COL11A1: variants seen among roughly 807,000 people sequenced by gnomAD.
The protein encoded by COL11A1 is collagen type XI alpha 1 chain.
COL11A1 carries 74 observed loss-of-function variants against 265.2 expected under a neutral mutation model. The ratio of observed to expected loss-of-function variants is 0.28; its 90% CI spans 0.23 to 0.34. COL11A1 has a LOEUF of 0.34. Among genes scored for constraint, COL11A1 ranks in the 10% least tolerant of loss-of-function variants. The pLI, the probability that COL11A1 is intolerant of heterozygous loss-of-function variation, is 1.00. For missense variants in COL11A1, 2,165 were observed against 2,263.6 expected (o/e 0.96, Z 0.88); for synonymous variants, 816 against 727.6 (o/e 1.12, Z -1.96).
chr1:102,991,215 G>A (rs542403359), intron 28 of COL11A1, among the ~76,000 whole-genome samples: 15 of 151,744 alleles, frequency 9.9e-5, no homozygotes, highest in Non-Finnish European at 1.6e-4. Flanking sequence ...TTGATGGAGG[G>A]GTTTTTATTT....
intron 46 of COL11A1, among the ~76,000 whole-genome samples, chr1:102,926,001 C>A (rs1023986098): frequency 9.2e-5 from 14 of 151,912 alleles, no homozygotes; most frequent in Admixed American, 2.6e-4. Context: ...ATTACAAACC[C>A]AGTTGTGCAT....
intron 48 of COL11A1, among the ~76,000 whole-genome samples, chr1:102,920,705 C>T (rs557270151): frequency 6.6e-6 from 1 of 152,210 alleles, no homozygotes; most frequent in East Asian, 1.9e-4. Context: ...AATTATGACA[C>T]TGGTTAAGAA....
chr1:103,035,164 C>A, intron 4 of COL11A1, among the ~76,000 whole-genome samples: 1 of 152,016 alleles, frequency 6.6e-6, no homozygotes, highest in East Asian at 1.9e-4. Context: ...ATAGCAGGGC[C>A]TTCTCCTCAG....
Position 103,014,694 on chromosome 1 carries a change from G to T in COL11A1, c.1489-100C>A, listed in dbSNP as rs950788806. 3.1e-6 allele frequency: 3 copies of T among 956,226 alleles called. No individual in the cohort carries two copies. In the African/African-American group the frequency reaches 4.9e-5, roughly 16 times the overall value. 59.2% of individuals were successfully genotyped at this position (956,226 alleles called of 1,614,324 possible). On this transcript the variant is annotated intron_variant, in intron 12 of 66. Coordinates refer to ENST00000370096, the MANE Select transcript of COL11A1 (RefSeq NM_001854.4). ...ATAAAAACCACTTATTAAAATGGTG[G>T]GATTTTACAAAATTACAAAGTAACT... is the stretch of plus-strand genomic sequence containing the variant.
At chr1:102,934,794 C>T (rs1424614983) in intron 45 of COL11A1, among the ~76,000 whole-genome samples, 1 of 152,158 alleles carries the variant, frequency 6.6e-6, no homozygotes, top group Non-Finnish European at 1.5e-5. Flanking sequence ...GAAGTAAAAG[C>T]TGTCTAATAA....
intron 5 of COL11A1, among the ~76,000 whole-genome samples, chr1:103,028,560 T>C (rs753612930): frequency 1.3e-5 from 2 of 152,136 alleles, no homozygotes; most frequent in Non-Finnish European, 2.9e-5. Flanking sequence ...CTAGTTATAA[T>C]CAATCAGACA....
At chr1:102,899,248 A>G (rs1304930905) in intron 54 of COL11A1, among the ~76,000 whole-genome samples, 2 of 152,144 alleles carry the variant, frequency 1.3e-5, no homozygotes, top group African/African-American at 4.8e-5. Flanking sequence ...CAGTAAAAAT[A>G]AAGTTTTTAA....
intron 37 of COL11A1, among the ~76,000 whole-genome samples, chr1:102,968,090 TACAA>T (rs1415703985): frequency 1.3e-5 from 2 of 152,192 alleles, no homozygotes; most frequent in East Asian, 3.9e-4. Flanking sequence ...TTGGGGATCT[TACAA>T]ACAAACTACA....
intron 7 of COL11A1, among the ~76,000 whole-genome samples, 184 bp from the exon 8 acceptor site, chr1:103,023,180 A>G (rs1667240328): frequency 6.6e-6 from 1 of 152,186 alleles, no homozygotes; most frequent in Admixed American, 6.5e-5. Flanking sequence ...GTACATTGCT[A>G]TGTACAAAGA....
In COL11A1 at chr1:102,978,853, G is replaced by T. The variant is rs1312889847; in HGVS notation, c.2709+7C>A. On this transcript the variant is annotated splice_region_variant and intron_variant, in intron 34 of 66. Transcript: ENST00000370096. Reference sequence around the variant, plus strand: ...TAACATCCAAACAGAAAAAGTACAGGTGATACCTTTGGCCCAGGTTTCCCA... The same window carrying T: ...TAACATCCAAACAGAAAAAGTACAGTTGATACCTTTGGCCCAGGTTTCCCA... The T allele has an allele frequency of 1.9e-6, 3 of 1,614,120 alleles. No individual in the cohort carries two copies. The highest frequency in any genetic ancestry group is 1.7e-6 in the Non-Finnish European group (2 of 1,179,998).
chr1:102,915,354 T>G (rs917243230), intron 50 of COL11A1, among the ~76,000 whole-genome samples: 2 of 152,204 alleles, frequency 1.3e-5, no homozygotes, highest in African/African-American at 4.8e-5. Context: ...GTTCCTTTTA[T>G]GGACAGTTCA....
At position 102,979,429 on chromosome 1, in the gene COL11A1, T is replaced by G. The variant is rs1328489908; in HGVS notation, c.2563A>C (p.Thr855Pro). The G allele has an allele frequency of 3.1e-6, 5 of 1,602,162 alleles. No individual in the cohort carries two copies. The highest frequency in any genetic ancestry group is 4.3e-6 in the Non-Finnish European group (5 of 1,169,354). The stretch of plus-strand genomic sequence containing the variant: ...GCACCTGGAAACCCAGGGAATCCAG[T>G]GGAACCCTACAATAATAAAAGTAAA... ...YPGRQGPKGS[T>P]GFPGFPGANG... The change falls in exon 32 of 67, where the codon ACT becomes CCT. Residue 855 changes from threonine (T) to proline (P), a missense_variant. By Grantham distance (38) the Thr-to-Pro change is conservative. Coordinates refer to ENST00000370096, the MANE Select transcript of COL11A1 (RefSeq NM_001854.4).
At chr1:102,975,490 T>C (rs1205937370) in intron 35 of COL11A1, among the ~76,000 whole-genome samples, 1 of 152,106 alleles carries the variant, frequency 6.6e-6, no homozygotes, top group East Asian at 1.9e-4. Context: ...AATAACTTTA[T>C]TGTGTAGTTA....
At chr1:102,914,683 G>T in intron 51 of COL11A1, 21 bp downstream of exon 51, 1 of 1,576,552 alleles carries the variant, frequency 6.3e-7, no homozygotes, top group Non-Finnish European at 8.7e-7. Context: ...TGCCACATTA[G>T]AGGGGACCAA....
intron 30 of COL11A1, among the ~76,000 whole-genome samples, 155 bp downstream of exon 30, chr1:102,987,478 G>A (rs187690493): frequency 7.1e-4 from 108 of 151,454 alleles, no homozygotes; most frequent in African/African-American, 2.5e-3. Context: ...ACACTGAAAC[G>A]TAAATGTAAT....
chr1:103,001,944 A>G lies in COL11A1; in HGVS notation c.2123T>C (p.Ile708Thr), dbSNP rs1310810919. 6.2e-7 allele frequency: 1 copy of G among 1,613,438 alleles called. No homozygotes were observed. The highest frequency in any genetic ancestry group is 1.1e-5 in the South Asian group (1 of 91,068). ...ACTTACTTTTTCACCAGGAGGACCA[A>G]TTGGACCTTGTGGACCAGGAAGACC... is the stretch of plus-strand genomic sequence containing the variant. ...PQGLPGPQGPIGPPGEKGPQG... is the reference protein window; with the variant it reads ...PQGLPGPQGPTGPPGEKGPQG... Residue 708 changes from isoleucine to threonine, a missense_variant, in exon 24 of 67, where the codon ATT becomes ACT. Ile to Thr is a moderately conservative substitution (Grantham distance 89, BLOSUM62 -1). Coordinates refer to ENST00000370096, the MANE Select transcript of COL11A1 (RefSeq NM_001854.4).
At chr1:103,042,668 C>A (rs887394226) in intron 4 of COL11A1, among the ~76,000 whole-genome samples, 1 of 152,040 alleles carries the variant, frequency 6.6e-6, no homozygotes, top group Non-Finnish European at 1.5e-5. Flanking sequence ...TCACTATTGA[C>A]ACTGCTAGAA....
Position 102,912,419 on chromosome 1 carries a change from A to G in COL11A1, c.4033-207T>C, listed in dbSNP as rs79697687. Among the ~76,000 whole-genome samples, 54 of 152,334 alleles carry G rather than the reference A, an allele frequency of 3.5e-4. 1 individual carries two copies. In the East Asian group the frequency reaches 0.01, roughly 29 times the overall value. The stretch of plus-strand genomic sequence containing the variant: ...GTAAATTTAGATGGTAAAATTATTT[A>G]TAGTTAGAACAAAGTGAATCAAATT... On this transcript the variant is annotated intron_variant, in intron 53 of 66. Transcript: ENST00000370096.
intron 1 of COL11A1, among the ~76,000 whole-genome samples, chr1:103,104,999 A>G (rs921854904): frequency 2.6e-5 from 4 of 152,152 alleles, no homozygotes; most frequent in Admixed American, 1.3e-4. Flanking sequence ...TCCCAGTTTG[A>G]TCAGCCTTTT....
Sources: allele counts gnomAD v4.1 joint callset (sites outside exome capture counted in the v4.1 genomes callset), GRCh38; gene constraint gnomAD v4.1.1; transcripts MANE v1.5; gene names NCBI Gene and HGNC (gene_info 2026-07-23, HGNC 2026-07-21).